The following SLCO1B3 variants were observed in gnomAD, a reference collection of about 807,000 sequenced individuals.
SLCO1B3 encodes liver-specific organic anion transporter 2.
SLCO1B3 carries 72 observed loss-of-function variants against 71.8 expected under a neutral mutation model. That is an observed-to-expected ratio of 1.00 (90% CI 0.83 to 1.22). The LOEUF (loss-of-function observed/expected upper bound fraction) is 1.22. SLCO1B3 is among the 50% of genes most tolerant of loss of function. The pLI is 0.00. For synonymous variants in SLCO1B3, 298 were observed against 278.4 expected, an observed-to-expected ratio of 1.07 and a Z score of -0.70; for missense variants, 911 against 819.7, an observed-to-expected ratio of 1.11 and a Z score of -1.36.
At chr12:20,846,005 T>C (rs1864911929) in intron 3 of SLCO1B3, among the ~76,000 whole-genome samples, 1 of 152,020 alleles carries the variant, frequency 6.6e-6, no homozygotes, top group Non-Finnish European at 1.5e-5. Flanking sequence ...TGTTCCATTC[T>C]GTGGAAATCG....
rs1385708938 is a variant in SLCO1B3 at position 20,915,889 on chromosome 12, TTGTA to T, written c.1866-111_1866-108del. 7.0e-5 allele frequency: 48 copies of T among 682,972 alleles called. No homozygotes were observed. The Middle Eastern group carries it at 2.1e-3, about 30-fold the overall frequency. 42.3% of individuals were successfully genotyped at this position (682,972 alleles called of 1,614,324 possible). A position where few individuals can be genotyped will look rare whatever the true frequency, so the allele number is the denominator to read the frequency against. On this transcript the variant is annotated intron_variant, in intron 15 of 15. Transcript: ENST00000381545. ...ATAAATAGAATTGTTCTCTTAATAT[TTGTA>T]TGTGTAACTTGTTTTTCTTTCTTTT... is the stretch of plus-strand genomic sequence containing the variant.
chr12:20,820,106 A>C (rs1212886061), intron 3 of SLCO1B3, among the ~76,000 whole-genome samples: 1 of 152,138 alleles, frequency 6.6e-6, no homozygotes, highest in Non-Finnish European at 1.5e-5. Flanking sequence ...TACCCACAAC[A>C]GTTATGGAGG....
chr12:20,855,649 GTTTAAAGTCTTT>G (rs1161089600), intron 4 of SLCO1B3, among the ~76,000 whole-genome samples: 1 of 108,198 alleles, frequency 9.2e-6, no homozygotes, highest in African/African-American at 2.7e-5. Flanking sequence ...AACATTGGGG[GTTTAAAGTCTTT>G]TTTTTTTTTT....
At chr12:20,837,906 C>T (rs1002656461) in intron 3 of SLCO1B3, among the ~76,000 whole-genome samples, 6 of 152,018 alleles carry the variant, frequency 3.9e-5, no homozygotes, top group African/African-American at 1.4e-4. Flanking sequence ...GATTTGTTCC[C>T]TTCCCACAGA....
At chr12:20,907,956 G>A (rs1866288342) in intron 15 of SLCO1B3, among the ~76,000 whole-genome samples, 1 of 152,096 alleles carries the variant, frequency 6.6e-6, no homozygotes, top group African/African-American at 2.4e-5. Context: ...TCTCCCCGAA[G>A]CAATAATCAC....
At chr12:20,843,407 T>C (rs751283634) in intron 3 of SLCO1B3, among the ~76,000 whole-genome samples, 1 of 152,152 alleles carries the variant, frequency 6.6e-6, no homozygotes, top group Non-Finnish European at 1.5e-5. Context: ...CCTTATATGC[T>C]CAATAATATA....
At chr12:20,849,229 A>G (rs12422496) in intron 3 of SLCO1B3, among the ~76,000 whole-genome samples, 109,832 of 151,744 alleles carry the variant, frequency 0.72, 42,334 homozygotes, top group South Asian at 0.9. Flanking sequence ...CCATAACAAA[A>G]ATGGATTCAT....
chr12:20,861,718 A>T (rs989444070), intron 6 of SLCO1B3, among the ~76,000 whole-genome samples: 4 of 139,970 alleles, frequency 2.9e-5, no homozygotes, highest in African/African-American at 1.0e-4. Flanking sequence ...TTTAACCCCA[A>T]AATTTATTAA....
chr12:20,828,943 T>G (rs561780735), intron 3 of SLCO1B3, among the ~76,000 whole-genome samples: 33 of 148,390 alleles, frequency 2.2e-4, no homozygotes, highest in Non-Finnish European at 4.3e-4. Context: ...GGCCCTGTTA[T>G]GTACATAAAA....
At position 20,878,168 on chromosome 12, in the gene SLCO1B3, A is replaced by T. The variant is rs538232490; in HGVS notation, c.1135+232A>T. Among the ~76,000 whole-genome samples the T allele has an allele frequency of 9.2e-5, 14 of 151,878 alleles. 1 individual carries two copies. The South Asian group carries it at 2.9e-3, about 32-fold the overall frequency. On this transcript the variant is annotated intron_variant, in intron 10 of 15. Coordinates refer to ENST00000381545, the MANE Select transcript of SLCO1B3 (RefSeq NM_019844.4). Reference sequence around the variant, plus strand: ...ATAGGTGAAATTCACCTAATTCTATAGGTGAAATTCTAAAGAAAAAAAATT... The same window carrying T: ...ATAGGTGAAATTCACCTAATTCTATTGGTGAAATTCTAAAGAAAAAAAATT...
At chr12:20,840,629 A>G (rs1001761233) in intron 3 of SLCO1B3, among the ~76,000 whole-genome samples, 2 of 151,926 alleles carry the variant, frequency 1.3e-5, no homozygotes, top group African/African-American at 4.8e-5. Flanking sequence ...CTGACCTCAC[A>G]ATCCACCAGC....
At chr12:20,898,313 G>A in intron 13 of SLCO1B3, 123 bp from the exon 14 acceptor site, 1 of 627,662 alleles carries the variant, frequency 1.6e-6, no homozygotes, top group African/African-American at 1.8e-5. Context: ...ATATAACGTG[G>A]GAAATTCACT....
At chr12:20,874,347 G>T (rs899255197) in intron 8 of SLCO1B3, among the ~76,000 whole-genome samples, 1 of 152,080 alleles carries the variant, frequency 6.6e-6, no homozygotes, top group Admixed American at 6.5e-5. Context: ...TTATCTTACT[G>T]GTTTTTATGT....
At chr12:20,850,218 G>T (rs542939181) in intron 3 of SLCO1B3, among the ~76,000 whole-genome samples, 1 of 150,258 alleles carries the variant, frequency 6.7e-6, no homozygotes, top group South Asian at 2.1e-4. Context: ...ATTGTGTGTT[G>T]CAGATGTTTG....
chr12:20,816,357 G>C (rs962375649), intron 3 of SLCO1B3, among the ~76,000 whole-genome samples: 2 of 151,912 alleles, frequency 1.3e-5, no homozygotes, highest in Admixed American at 6.6e-5. Flanking sequence ...ACACCCCCAT[G>C]ACCCTTTCCA....
chr12:20,869,883 A>C (rs1163693071), intron 8 of SLCO1B3, among the ~76,000 whole-genome samples: 1 of 152,122 alleles, frequency 6.6e-6, no homozygotes, highest in African/African-American at 2.4e-5. Flanking sequence ...TGGTAGTTCT[A>C]TATTTAATTT....
intron 13 of SLCO1B3, among the ~76,000 whole-genome samples, chr12:20,895,320 A>T (rs1457507513): frequency 6.6e-6 from 1 of 152,170 alleles, no homozygotes; most frequent in Non-Finnish European, 1.5e-5. Flanking sequence ...GAGAGAAGTC[A>T]AGTCCCTTCC....
At chr12:20,878,006 T>A in intron 10 of SLCO1B3, 70 bp downstream of exon 10, 1 of 1,020,606 alleles carries the variant, frequency 9.8e-7, no homozygotes, top group Non-Finnish European at 1.4e-6. Context: ...CCAAGTCACA[T>A]TTTATTATGA....
rs368403406 is a variant in SLCO1B3 at position 20,860,279 on chromosome 12, G to A, written c.360-738G>A. ...CCCTGATCATTTCTTTTTTGTGGGTGTGTGACAACCCAGGACCTTGTATAT... is the reference window on the plus strand; with the variant it reads ...CCCTGATCATTTCTTTTTTGTGGGTATGTGACAACCCAGGACCTTGTATAT... On this transcript the variant is annotated intron_variant, in intron 5 of 15. Coordinates refer to ENST00000381545, the MANE Select transcript of SLCO1B3 (RefSeq NM_019844.4). Among the ~76,000 whole-genome samples the A allele has an allele frequency of 8.1e-4, 124 of 152,192 alleles. 2 individuals are homozygous for A. In the South Asian group the frequency reaches 0.025, roughly 31 times the overall value.
Sources: gnomAD v4.1 joint callset for allele counts (sites outside exome capture counted in the v4.1 genomes callset) on GRCh38, gnomAD v4.1.1 for gene constraint, MANE v1.5 for transcripts, NCBI Gene and HGNC (gene_info 2026-07-23, HGNC 2026-07-21) for gene names.